EIF2AK4: variants seen among roughly 807,000 people sequenced by gnomAD.
The protein encoded by EIF2AK4 is eIF-2-alpha kinase GCN2.
In EIF2AK4, 139 loss-of-function variants were observed where a neutral mutation model predicts 211.1. The ratio of observed to expected loss-of-function variants is 0.66; its 90% CI spans 0.57 to 0.76. The LOEUF (loss-of-function observed/expected upper bound fraction) is 0.76. Ranked by LOEUF, EIF2AK4 falls within the 30% of genes least tolerant of loss-of-function variation. EIF2AK4 has a pLI of 0.00. For missense variants in EIF2AK4, 1,664 were observed against 2,043.8 expected, an observed-to-expected ratio of 0.81 and a Z score of 3.58; for synonymous variants, 710 against 751.3, an observed-to-expected ratio of 0.94 and a Z score of 0.90.
intron 1 of EIF2AK4, among the ~76,000 whole-genome samples, chr15:39,935,914 A>G (rs1393415278): frequency 6.6e-6 from 1 of 152,200 alleles, no homozygotes; most frequent in African/African-American, 2.4e-5. Flanking sequence ...TCCCCTTAAC[A>G]TGACAGAGAA....
intron 3 of EIF2AK4, among the ~76,000 whole-genome samples, chr15:39,943,784 C>T (rs1337823921): frequency 6.6e-6 from 1 of 151,654 alleles, no homozygotes; most frequent in East Asian, 1.9e-4. Context: ...AGCAAAATGG[C>T]GAGCACCTAT....
At chr15:40,007,936 A>T in intron 24 of EIF2AK4, 91 bp from the exon 25 acceptor site, 2 of 1,044,306 alleles carry the variant, frequency 1.9e-6, no homozygotes, top group African/African-American at 1.6e-5. Flanking sequence ...ATTTTTTTTC[A>T]TATTTGTTTC....
At chr15:40,031,754 C>T (rs1369559689) in intron 35 of EIF2AK4, among the ~76,000 whole-genome samples, 1 of 150,612 alleles carries the variant, frequency 6.6e-6, no homozygotes, top group Non-Finnish European at 1.5e-5. Flanking sequence ...GAGACAGAGT[C>T]TCACTCTGTC....
intron 8 of EIF2AK4, among the ~76,000 whole-genome samples, chr15:39,966,869 C>G (rs2034551315): frequency 6.6e-6 from 1 of 152,066 alleles, no homozygotes; most frequent in African/African-American, 2.4e-5. Context: ...AACCTTAACT[C>G]CTCTTTGCCA....
At chr15:39,939,784 C>A (rs375979481) in intron 2 of EIF2AK4, among the ~76,000 whole-genome samples, 167 bp downstream of exon 2, 1 of 152,310 alleles carries the variant, frequency 6.6e-6, no homozygotes, top group South Asian at 2.1e-4. Flanking sequence ...TTTCATGAAA[C>A]CTGTCTCATT....
intron 9 of EIF2AK4, among the ~76,000 whole-genome samples, chr15:39,972,349 CAAA>C (rs71309404): frequency 8.6e-6 from 1 of 115,894 alleles, no homozygotes. Flanking sequence ...GACCCTATTT[CAAA>C]AAAAAAAAAA....
chr15:39,934,536 A>G (rs1392991007), intron 1 of EIF2AK4, among the ~76,000 whole-genome samples, 197 bp downstream of exon 1: 1 of 152,168 alleles, frequency 6.6e-6, no homozygotes, highest in African/African-American at 2.4e-5. Context: ...GAATTCTTCT[A>G]CAGTCCTTTC....
Position 40,006,929 on chromosome 15 carries a change from A to G in EIF2AK4, c.3358-87A>G, listed in dbSNP as rs989443170. 3.9e-6 allele frequency: 4 copies of G among 1,027,004 alleles called. No individual in the cohort carries two copies. The African/African-American group carries it at 6.4e-5, about 16-fold the overall frequency. 63.6% of individuals were successfully genotyped at this position (1,027,004 alleles called of 1,614,324 possible). ...TACATACTTTAAAGGGGTGAACTTT[A>G]TGGGACAGGAGTTATGTTTCAATAA... is the stretch of plus-strand genomic sequence containing the variant. On this transcript the variant is annotated intron_variant, in intron 23 of 38. Coordinates refer to ENST00000263791, the MANE Select transcript of EIF2AK4 (RefSeq NM_001013703.4).
chr15:39,976,515 G>A lies in EIF2AK4; in HGVS notation c.1920G>A (p.Leu640=), dbSNP rs1398585255. 1.2e-6 allele frequency: 2 copies of A among 1,612,474 alleles called. No individual in the cohort carries two copies. The change falls in exon 12 of 39, where the codon CTG becomes CTA. Residue 640 remains leucine, a synonymous_variant. Coordinates refer to ENST00000263791, the MANE Select transcript of EIF2AK4 (RefSeq NM_001013703.4). ...FRRIKGEVTL[L]SRLHHENIVR... ...GGATCAAGGGCGAAGTGACACTGCT[G>A]TCACGGCTGCACCATGAGAACATTG... is the stretch of plus-strand genomic sequence containing the variant.
chr15:39,988,183 A>G, intron 15 of EIF2AK4, 78 bp downstream of exon 15: 3 of 1,537,828 alleles, frequency 2.0e-6, no homozygotes, highest in Non-Finnish European at 2.7e-6. Flanking sequence ...CAAATGTAAG[A>G]TTGGAGAAAA....
At chr15:39,967,928 T>C (rs1383177793) in intron 9 of EIF2AK4, 49 bp downstream of exon 9, 2 of 1,571,876 alleles carry the variant, frequency 1.3e-6, no homozygotes, top group Non-Finnish European at 8.7e-7. Flanking sequence ...CCTGTACTTT[T>C]GATTGTGCTG....
In EIF2AK4 at chr15:39,967,642, T is replaced by C. The variant is rs1380848887; in HGVS notation, c.1316T>C (p.Val439Ala). ...SNVLVDAEGTVKITDYSISKR... is the reference protein window; with the variant it reads ...SNVLVDAEGTAKITDYSISKR... ...GTCTTGGTGGATGCAGAAGGCACCGTCAAGATTACGGACTATAGCATTTCT... is the reference window on the plus strand; with the variant it reads ...GTCTTGGTGGATGCAGAAGGCACCGCCAAGATTACGGACTATAGCATTTCT... The change falls in exon 9 of 39, where the codon GTC (valine) becomes GCC (alanine). Residue 439 changes from valine to alanine, a missense_variant. Physicochemically the swap from Val to Ala is moderately conservative, Grantham distance 64. Around this residue, in one of 7 missense-constraint regions of EIF2AK4, gnomAD observed 641 missense variants for 729.6 expected, o/e 0.88. Transcript: ENST00000263791. 1 of 1,614,166 alleles carries C rather than the reference T, an allele frequency of 6.2e-7. No homozygotes were observed. Among genetic ancestry groups the C allele is most frequent in the South Asian group, 1.1e-5 (1 of 91,076 alleles).
intron 7 of EIF2AK4, 115 bp from the exon 8 acceptor site, chr15:39,965,571 A>G (rs2140911938): frequency 1.7e-6 from 2 of 1,183,226 alleles, no homozygotes; most frequent in Admixed American, 4.6e-5. Flanking sequence ...TATTTTCCAT[A>G]GTTAGCGCAT....
chr15:40,025,315 G>A (rs772699490), intron 32 of EIF2AK4, among the ~76,000 whole-genome samples: 9 of 152,204 alleles, frequency 5.9e-5, no homozygotes, highest in African/African-American at 1.4e-4. Flanking sequence ...GGGAGGCCCC[G>A]AATGTTTTGA....
At chr15:39,989,615 C>T (rs750331749) in intron 15 of EIF2AK4, among the ~76,000 whole-genome samples, 9 of 152,190 alleles carry the variant, frequency 5.9e-5, no homozygotes, top group South Asian at 2.1e-4. Flanking sequence ...GTGTGTGTCC[C>T]GTGCTTGAGA....
intron 15 of EIF2AK4, 33 bp downstream of exon 15, chr15:39,988,138 T>A: frequency 6.2e-7 from 1 of 1,606,270 alleles, no homozygotes; most frequent in Non-Finnish European, 8.5e-7. Context: ...TCTGAAGACT[T>A]ATGTTTACAT....
chr15:39,946,657 A>G, intron 3 of EIF2AK4: 1 of 700,622 alleles, frequency 1.4e-6, no homozygotes, highest in South Asian at 1.5e-5. Context: ...GCTATCAAAC[A>G]GCATTGAATG....
chr15:40,023,313 GA>G (rs532501555), intron 32 of EIF2AK4, among the ~76,000 whole-genome samples: 4 of 151,844 alleles, frequency 2.6e-5, no homozygotes, highest in Admixed American at 6.6e-5. Flanking sequence ...TTTTTAAAGG[GA>G]AAAAAACTTT....
rs776846678 is a variant in EIF2AK4 at position 39,934,214 on chromosome 15, G to T, written c.19G>T (p.Ala7Ser). 1 of 1,581,256 alleles carries T rather than the reference G, an allele frequency of 6.3e-7. No individual in the cohort carries two copies. Residue 7 changes from alanine (A) to serine (S), a missense_variant, in exon 1 of 39, where the codon GCC becomes TCC. Physicochemically the swap from Ala to Ser is moderately conservative, Grantham distance 99 (BLOSUM62 1). Coordinates refer to ENST00000263791, the MANE Select transcript of EIF2AK4 (RefSeq NM_001013703.4). MAGGRG[A>S]PGRGRDEPPE... is the part of the protein sequence containing the mutation. ...CGCTGCCATGGCTGGGGGCCGTGGG[G>T]CCCCCGGGCGCGGCCGGGACGAGCC...
Sources: gnomAD v4.1 joint callset for allele counts (sites outside exome capture counted in the v4.1 genomes callset) on GRCh38, gnomAD v4.1.1 for gene constraint, gnomAD v4.1.1 regional missense constraint, MANE v1.5 for transcripts, NCBI Gene and HGNC (gene_info 2026-07-23, HGNC 2026-07-21) for gene names.